The following SUMO2 variants were observed in gnomAD, a reference collection of about 807,000 sequenced individuals.
SUMO2 encodes small ubiquitin like modifier 2, also known as small ubiquitin-related modifier 2.
A neutral mutation model predicts 16.0 loss-of-function variants in SUMO2; 1 was observed. That is an observed-to-expected ratio of 0.06 (90% CI 0.02 to 0.30). The LOEUF (loss-of-function observed/expected upper bound fraction) is 0.30. SUMO2 is among the 10% of genes least tolerant of loss of function. The pLI is 1.00. For synonymous variants in SUMO2, 36 were observed against 40.6 expected (o/e 0.89, Z 0.43); for missense variants, 16 against 117.5 (o/e 0.14, Z 3.99).
chr17:75,175,799 A>C (rs1380154521), intron 2 of SUMO2, among the ~76,000 whole-genome samples: 1 of 149,196 alleles, frequency 6.7e-6, no homozygotes, highest in East Asian at 2.0e-4. Flanking sequence ...TGCCCAGCTA[A>C]TTTTTGTGTT....
intron 2 of SUMO2, 66 bp downstream of exon 2, chr17:75,180,991 T>C: frequency 6.3e-7 from 1 of 1,590,960 alleles, no homozygotes; most frequent in East Asian, 2.2e-5. Context: ...CTAGTTTTTG[T>C]TCCCATGAAA....
chr17:75,182,412 C>T (rs2074836192), intron 1 of SUMO2: 1 of 157,872 alleles, frequency 6.3e-6, no homozygotes, highest in Admixed American at 6.5e-5. Context: ...CCAGAGGACT[C>T]CTCGCCGCCT....
chr17:75,175,516 C>T (rs970773485), intron 2 of SUMO2, among the ~76,000 whole-genome samples: 1 of 151,606 alleles, frequency 6.6e-6, no homozygotes, highest in Non-Finnish European at 1.5e-5. Flanking sequence ...AACAGGGTTT[C>T]GCCATGTTGG....
chr17:75,182,705 T>G, intron 1 of SUMO2, 109 bp downstream of exon 1: 2 of 992,996 alleles, frequency 2.0e-6, no homozygotes, highest in Non-Finnish European at 2.6e-6. Flanking sequence ...GCCGGCCCCG[T>G]GGGGGGCCCG....
rs761679212 is a variant in SUMO2 at position 75,168,063 on chromosome 17, A to G, written c.*276T>C. 1.4e-5 allele frequency: 4 copies of G among 293,308 alleles called. No individual in the cohort carries two copies. The highest frequency in any genetic ancestry group is 2.5e-5 in the Non-Finnish European group (4 of 159,828). 18.2% of individuals were successfully genotyped at this position (293,308 alleles called of 1,614,324 possible). A position where few individuals can be genotyped will look rare whatever the true frequency, so the allele number is the denominator to read the frequency against. On this transcript the variant is annotated 3_prime_UTR_variant, in exon 4 of 4. Coordinates refer to ENST00000420826, the MANE Select transcript of SUMO2 (RefSeq NM_006937.4). ...TAATGGAGAAAGGGGGTATTTTCAC[A>G]GAATCAGTATTTTTCCCCATCCCGT...
chr17:75,169,068 GAAA>G (rs796178767), intron 3 of SUMO2, among the ~76,000 whole-genome samples: 1 of 137,222 alleles, frequency 7.3e-6, no homozygotes, highest in Non-Finnish European at 1.6e-5. Flanking sequence ...AAAAAAAAAG[GAAA>G]AAAAAAAAAA....
chr17:75,179,388 C>T (rs986552485), intron 2 of SUMO2, among the ~76,000 whole-genome samples: 1 of 151,946 alleles, frequency 6.6e-6, no homozygotes, highest in Non-Finnish European at 1.5e-5. Flanking sequence ...ATTAGCTGGG[C>T]GTGGTGGCGT....
At chr17:75,182,762 G>C (rs1453362964) in intron 1 of SUMO2, 52 bp downstream of exon 1, 9 of 1,279,744 alleles carry the variant, frequency 7.0e-6, no homozygotes, top group Non-Finnish European at 7.9e-6. Context: ...ACCCCGGCCC[G>C]CGCCATGACC....
At chr17:75,168,530 T>A in intron 3 of SUMO2, 129 bp from the exon 4 acceptor site, 1 of 743,712 alleles carries the variant, frequency 1.3e-6, no homozygotes. Context: ...TTTAGATGTC[T>A]CATAGCTTAA....
intron 3 of SUMO2, among the ~76,000 whole-genome samples, chr17:75,174,022 T>C (rs372539401): frequency 6.6e-6 from 1 of 152,154 alleles, no homozygotes; most frequent in Non-Finnish European, 1.5e-5. Context: ...GACGTGGCAA[T>C]TAGGGCTATT....
chr17:75,174,105 T>C (rs573728698), intron 3 of SUMO2, among the ~76,000 whole-genome samples: 130 of 152,232 alleles, frequency 8.5e-4, no homozygotes, highest in African/African-American at 3.1e-3. Context: ...TGGTGAGGAT[T>C]TGGCTGGGTG....
chr17:75,175,425 A>C (rs1016549778), intron 2 of SUMO2, among the ~76,000 whole-genome samples: 2 of 147,924 alleles, frequency 1.4e-5, no homozygotes, highest in Non-Finnish European at 3.0e-5. Context: ...GGTTCAAGCA[A>C]TTTTCCTGCC....
rs555979948 is a variant in SUMO2 at position 75,173,615 on chromosome 17, C to A, written c.225+1137G>T. On this transcript the variant is annotated intron_variant, in intron 3 of 3. Transcript: ENST00000420826. The stretch of plus-strand genomic sequence containing the variant: ...TCACCCTAAGAAGTAGCTGGTACTA[C>A]AGGCACGTACCACTGCTCCCTGGCT... Among the ~76,000 whole-genome samples, 6 of 152,050 alleles carry A rather than the reference C, an allele frequency of 3.9e-5. No homozygotes were observed. In the South Asian group the frequency reaches 1.2e-3, roughly 32 times the overall value.
chr17:75,171,745 T>C (rs574120861), intron 3 of SUMO2, among the ~76,000 whole-genome samples: 2 of 152,080 alleles, frequency 1.3e-5, no homozygotes, highest in African/African-American at 4.8e-5. Flanking sequence ...GTAACTACTA[T>C]AGCAGATAAT....
intron 2 of SUMO2, among the ~76,000 whole-genome samples, chr17:75,180,572 G>A (rs2074821637): frequency 6.6e-6 from 1 of 151,492 alleles, no homozygotes; most frequent in Admixed American, 6.6e-5. Flanking sequence ...AAAAAAATTG[G>A]CCAGGCCTGG....
chr17:75,178,661 C>T (rs981005587), intron 2 of SUMO2, among the ~76,000 whole-genome samples: 1 of 152,114 alleles, frequency 6.6e-6, no homozygotes, highest in African/African-American at 2.4e-5. Context: ...CTAGACCTGC[C>T]AAGCTCAAGC....
intron 2 of SUMO2, among the ~76,000 whole-genome samples, chr17:75,180,757 AGTTCAC>A (rs1214860472): frequency 1.3e-5 from 2 of 152,098 alleles, no homozygotes; most frequent in Non-Finnish European, 2.9e-5. Context: ...AATTTTACCA[AGTTCAC>A]TCTTATTTTC....
chr17:75,173,641 A>T (rs2074759498), intron 3 of SUMO2, among the ~76,000 whole-genome samples: 1 of 151,888 alleles, frequency 6.6e-6, no homozygotes, highest in Admixed American at 6.6e-5. Flanking sequence ...CTCCCTGGCT[A>T]ATTTTTGTAT....
At chr17:75,181,351 G>A (rs921005002) in intron 1 of SUMO2, among the ~76,000 whole-genome samples, 163 bp from the exon 2 acceptor site, 13 of 152,072 alleles carry the variant, frequency 8.5e-5, no homozygotes, top group Admixed American at 7.9e-4. Flanking sequence ...TGTGAAAGCG[G>A]AAAAATCCTG....
Sources: allele counts gnomAD v4.1 joint callset (sites outside exome capture counted in the v4.1 genomes callset), GRCh38; gene constraint gnomAD v4.1.1; transcripts MANE v1.5; gene names NCBI Gene and HGNC (gene_info 2026-07-23, HGNC 2026-07-21).